Variants in CCDC91 observed in about 807,000 individuals in gnomAD.
CCDC91 encodes the protein coiled-coil domain-containing protein 91.
Under a neutral mutation model 63.2 loss-of-function variants are expected in CCDC91, and 48 were observed. That is an observed-to-expected ratio of 0.76 (90% CI 0.60 to 0.97). The LOEUF (loss-of-function observed/expected upper bound fraction) is 0.97, where lower values mean the gene tolerates loss of function less well. Among genes scored for constraint, CCDC91 ranks in the 50% least tolerant of loss-of-function variants. CCDC91 has a pLI of 0.00. For synonymous variants in CCDC91, 167 were observed against 165.8 expected (o/e 1.01, Z -0.06); for missense variants, 500 against 494.6 (o/e 1.01, Z -0.10).
At chr12:28,421,607 T>A (rs1209147895) in intron 8 of CCDC91, among the ~76,000 whole-genome samples, 1 of 151,858 alleles carries the variant, frequency 6.6e-6, no homozygotes, top group Non-Finnish European at 1.5e-5. Context: ...TATATGTCTG[T>A]CACTGATGGG....
At chr12:28,371,166 A>C (rs1384630640) in intron 7 of CCDC91, among the ~76,000 whole-genome samples, 1 of 151,864 alleles carries the variant, frequency 6.6e-6, no homozygotes, top group Non-Finnish European at 1.5e-5. Flanking sequence ...GGGGTCCTTA[A>C]CCCCCAGGCT....
chr12:28,368,566 T>C (rs1944418126), intron 7 of CCDC91, among the ~76,000 whole-genome samples: 1 of 152,186 alleles, frequency 6.6e-6, no homozygotes, highest in Non-Finnish European at 1.5e-5. Flanking sequence ...CTCTAAATAT[T>C]ATTGTTGAAT....
intron 6 of CCDC91, among the ~76,000 whole-genome samples, chr12:28,314,194 A>C (rs1414964848): frequency 3.4e-5 from 5 of 145,954 alleles, no homozygotes; most frequent in Non-Finnish European, 7.6e-5. Context: ...TAAAAAAAAA[A>C]CAACTAGTAC....
chr12:28,525,011 T>C (rs11049693), intron 12 of CCDC91, among the ~76,000 whole-genome samples: 47,014 of 152,016 alleles, frequency 0.31, 7,713 homozygotes, highest in African/African-American at 0.37. Flanking sequence ...ATCTTGCTAA[T>C]GGTAATTCAA....
At chr12:28,370,962 C>T (rs1286482665) in intron 7 of CCDC91, among the ~76,000 whole-genome samples, 3 of 152,098 alleles carry the variant, frequency 2.0e-5, no homozygotes, top group African/African-American at 7.2e-5. Flanking sequence ...CTTCCCCTGA[C>T]ATGTGGGAAT....
chr12:28,524,621 A>AT (rs1245220347), intron 12 of CCDC91, among the ~76,000 whole-genome samples: 1 of 152,080 alleles, frequency 6.6e-6, no homozygotes, highest in Non-Finnish European at 1.5e-5. Flanking sequence ...TCATAGAATG[A>AT]TTTAGGGAGG....
At chr12:28,489,902 T>G (rs1951908893) in intron 12 of CCDC91, among the ~76,000 whole-genome samples, 1 of 151,912 alleles carries the variant, frequency 6.6e-6, no homozygotes, top group African/African-American at 2.4e-5. Context: ...CAATATAAGT[T>G]ATTTAATATT....
chr12:28,190,707 G>T (rs1280657218), intron 1 of CCDC91, 66 bp downstream of exon 1: 1 of 152,052 alleles, frequency 6.6e-6, no homozygotes, highest in African/African-American at 2.4e-5. Flanking sequence ...CGAGCGGAGA[G>T]CGCCCCACCG....
intron 12 of CCDC91, among the ~76,000 whole-genome samples, chr12:28,503,172 G>A (rs895889580): frequency 3.9e-5 from 6 of 151,924 alleles, no homozygotes; most frequent in African/African-American, 7.3e-5. Flanking sequence ...GAAAATTTTC[G>A]CAACCTACTA....
chr12:28,228,604 A>T (rs1277459763), intron 1 of CCDC91, among the ~76,000 whole-genome samples: 1 of 152,054 alleles, frequency 6.6e-6, no homozygotes, highest in Non-Finnish European at 1.5e-5. Context: ...AAATTTTAGA[A>T]AGTTATTTTC....
chr12:28,362,570 T>G, intron 7 of CCDC91, 55 bp downstream of exon 7: 1 of 1,067,674 alleles, frequency 9.4e-7, no homozygotes, highest in Non-Finnish European at 1.4e-6. Context: ...TAGTAAAAAA[T>G]GTACACATGT....
At chr12:28,312,380 AT>A (rs1262456598) in intron 6 of CCDC91, among the ~76,000 whole-genome samples, 1 of 151,996 alleles carries the variant, frequency 6.6e-6, no homozygotes, top group African/African-American at 2.4e-5. Context: ...CTGAAAGTGT[AT>A]TTTCAACAAA....
intron 12 of CCDC91, among the ~76,000 whole-genome samples, chr12:28,523,693 G>A (rs1940972808): frequency 6.6e-6 from 1 of 152,164 alleles, no homozygotes; most frequent in Non-Finnish European, 1.5e-5. Context: ...AATTTGGCAT[G>A]TATTTTCAGT....
intron 6 of CCDC91, among the ~76,000 whole-genome samples, chr12:28,308,766 A>C (rs546238877): frequency 5.1e-4 from 77 of 152,018 alleles, no homozygotes; most frequent in African/African-American, 1.8e-3. Context: ...CTTTATTTTT[A>C]TTCCTAGCAC....
At chr12:28,350,102 T>A (rs1379139561) in intron 6 of CCDC91, among the ~76,000 whole-genome samples, 6 of 152,240 alleles carry the variant, frequency 3.9e-5, no homozygotes, top group Non-Finnish European at 8.8e-5. Context: ...CTGCTTTTAG[T>A]CTTTTGTTTT....
chr12:28,522,016 A>T (rs1940732676), intron 12 of CCDC91, among the ~76,000 whole-genome samples: 1 of 152,104 alleles, frequency 6.6e-6, no homozygotes, highest in African/African-American at 2.4e-5. Flanking sequence ...TTCATCAGGG[A>T]TATTGGTCTA....
chr12:28,301,672 C>T (rs2137002286), intron 3 of CCDC91, among the ~76,000 whole-genome samples: 1 of 151,626 alleles, frequency 6.6e-6, no homozygotes, highest in East Asian at 1.9e-4. Flanking sequence ...TAGAAATCCT[C>T]TTGAAATAAT....
chr12:28,539,636 A>G (rs1299413544), intron 12 of CCDC91, among the ~76,000 whole-genome samples: 1 of 152,176 alleles, frequency 6.6e-6, no homozygotes, highest in Admixed American at 6.6e-5. Context: ...TTTAGGCAAT[A>G]ACATCCCAGT....
chr12:28,228,804 C>G (rs1161044960), intron 1 of CCDC91, among the ~76,000 whole-genome samples: 1 of 152,062 alleles, frequency 6.6e-6, no homozygotes, highest in African/African-American at 2.4e-5. Context: ...TAAATTTGCT[C>G]TTTAACTTTG....
Sources: allele counts gnomAD v4.1 joint callset (sites outside exome capture counted in the v4.1 genomes callset), GRCh38; gene constraint gnomAD v4.1.1; transcripts MANE v1.5; gene names NCBI Gene and HGNC (gene_info 2026-07-23, HGNC 2026-07-21).